CDC42SE2: variants seen among roughly 807,000 people sequenced by gnomAD.
CDC42SE2 encodes the protein CDC42 small effector 2, also known as CDC42 small effector protein 2.
Under a neutral mutation model 11.5 loss-of-function variants are expected in CDC42SE2, and 3 were observed. The observed-to-expected ratio is 0.26, with a 90% CI of 0.12 to 0.67. The LOEUF is 0.67. Ranked by LOEUF, CDC42SE2 falls within the 30% of genes least tolerant of loss-of-function variation. CDC42SE2 has a pLI of 0.80. For synonymous variants in CDC42SE2, 33 were observed against 34.8 expected, an observed-to-expected ratio of 0.95 and a Z score of 0.18; for missense variants, 82 against 106.8, an observed-to-expected ratio of 0.77 and a Z score of 1.02.
the CDC42SE2 span, among the ~76,000 whole-genome samples, chr5:131,236,703 C>T: frequency 2.4e-3 from 364 of 152,266 alleles, 5 homozygotes; most frequent in South Asian, 0.02. Context: ...AGATTATAGG[C>T]GTGAACCATC....
chr5:131,222,928 C>A, the CDC42SE2 span, among the ~76,000 whole-genome samples: 1 of 152,198 alleles, frequency 6.6e-6, no homozygotes, highest in Non-Finnish European at 1.5e-5. Context: ...CAGCTTTGTC[C>A]TAGATTCAAG....
At chr5:131,239,363 G>C in the CDC42SE2 span, among the ~76,000 whole-genome samples, 4 of 151,238 alleles carry the variant, frequency 2.6e-5, no homozygotes, top group Non-Finnish European at 5.9e-5. Context: ...CTTGAGCCCA[G>C]GATGTCAAGG....
chr5:131,280,171 TA>T (rs760903694), intron 1 of CDC42SE2, among the ~76,000 whole-genome samples: 1 of 152,212 alleles, frequency 6.6e-6, no homozygotes, highest in Non-Finnish European at 1.5e-5. Context: ...GCTACTGAAT[TA>T]AAATATGGGG....
intron 2 of CDC42SE2, among the ~76,000 whole-genome samples, chr5:131,342,798 C>T (rs533748887): frequency 7.2e-5 from 11 of 152,184 alleles, no homozygotes; most frequent in Admixed American, 2.0e-4. Flanking sequence ...CTGCAACCTC[C>T]GCCTACTGGG....
intron 2 of CDC42SE2, among the ~76,000 whole-genome samples, chr5:131,343,761 TAAA>T (rs1311543621): frequency 4.2e-5 from 6 of 142,658 alleles, no homozygotes; most frequent in Admixed American, 6.9e-5. Context: ...GAGAGAGAAA[TAAA>T]GAAGAAGAGT....
chr5:131,226,390 A>G, the CDC42SE2 span, among the ~76,000 whole-genome samples: 1 of 152,208 alleles, frequency 6.6e-6, no homozygotes, highest in East Asian at 1.9e-4. Flanking sequence ...CTACACTTGA[A>G]CCAATTCACA....
chr5:131,291,414 T>C (rs927809055), intron 1 of CDC42SE2, among the ~76,000 whole-genome samples: 1 of 152,188 alleles, frequency 6.6e-6, no homozygotes, highest in African/African-American at 2.4e-5. Flanking sequence ...ACCAGTTTAT[T>C]TTACTATCCA....
intron 4 of CDC42SE2, among the ~76,000 whole-genome samples, chr5:131,390,387 C>T (rs1750613868): frequency 6.6e-6 from 1 of 152,090 alleles, no homozygotes; most frequent in Admixed American, 6.6e-5. Flanking sequence ...GGTTGAGAAA[C>T]AAAGTGGAGT....
At chr5:131,268,010 T>A (rs1756906552) in intron 1 of CDC42SE2, among the ~76,000 whole-genome samples, 1 of 151,574 alleles carries the variant, frequency 6.6e-6, no homozygotes, top group African/African-American at 2.4e-5. Flanking sequence ...TTTTCCTGTG[T>A]CGTCTTGAGA....
At chr5:131,311,883 G>A (rs368452047) in intron 1 of CDC42SE2, among the ~76,000 whole-genome samples, 1 of 151,960 alleles carries the variant, frequency 6.6e-6, no homozygotes, top group African/African-American at 2.4e-5. Flanking sequence ...TTTGCCTTTG[G>A]TTTGAATGTC....
At chr5:131,348,578 A>G (rs1561594340) in intron 2 of CDC42SE2, among the ~76,000 whole-genome samples, 1 of 152,222 alleles carries the variant, frequency 6.6e-6, no homozygotes, top group Non-Finnish European at 1.5e-5. Context: ...AAGGTAATGT[A>G]TAGATTCAAT....
intron 2 of CDC42SE2, among the ~76,000 whole-genome samples, chr5:131,353,392 G>T (rs1411967973): frequency 1.3e-5 from 2 of 150,904 alleles, no homozygotes; most frequent in African/African-American, 4.9e-5. Flanking sequence ...AGCAAGTCTT[G>T]TGCCTCAGCC....
intron 1 of CDC42SE2, among the ~76,000 whole-genome samples, chr5:131,310,022 CT>C (rs1480755906): frequency 5.9e-5 from 9 of 152,162 alleles, no homozygotes; most frequent in Admixed American, 3.9e-4. Context: ...TTGTCTAGTT[CT>C]TTTAATTGTG....
intron 1 of CDC42SE2, among the ~76,000 whole-genome samples, chr5:131,273,762 C>T (rs1025522748): frequency 1.4e-5 from 2 of 147,958 alleles, no homozygotes; most frequent in Admixed American, 1.3e-4. Context: ...ACAGAGACTC[C>T]GTCTCAAAAA....
intron 2 of CDC42SE2, among the ~76,000 whole-genome samples, chr5:131,323,829 TTG>T (rs1290598155): frequency 1.3e-5 from 2 of 152,162 alleles, no homozygotes; most frequent in African/African-American, 4.8e-5. Flanking sequence ...GTCTTGACAG[TTG>T]TGTGTTAACT....
chr5:131,238,227 G>A, the CDC42SE2 span, among the ~76,000 whole-genome samples: 1 of 152,056 alleles, frequency 6.6e-6, no homozygotes, highest in African/African-American at 2.4e-5. Context: ...GCGGGGCACC[G>A]TGGCTCATGC....
At chr5:131,243,246 G>T (rs991624285), upstream of CDC42SE2, among the ~76,000 whole-genome samples, 1 of 152,180 alleles carries the variant, frequency 6.6e-6, no homozygotes, top group African/African-American at 2.4e-5. Flanking sequence ...ACAGGACCCT[G>T]CACTAGGCTT....
rs545848415 is a variant in CDC42SE2, at chr5:131,312,591, T to G, written c.-454-3385T>G. ...AGTCTGCTGTGCTAGCAATCAGCGATACTCCGTGGGCGTAGGACCCTCCGA... is the reference window on the plus strand; with the variant it reads ...AGTCTGCTGTGCTAGCAATCAGCGAGACTCCGTGGGCGTAGGACCCTCCGA... On this transcript the variant is annotated intron_variant, in intron 1 of 4. Transcript: ENST00000505065. Among the ~76,000 whole-genome samples, 504 of 152,282 alleles carry G rather than the reference T, an allele frequency of 3.3e-3. 5 individuals carry two copies. The highest frequency in any genetic ancestry group is 0.012 in the African/African-American group (492 of 41,568).
intron 1 of CDC42SE2, among the ~76,000 whole-genome samples, chr5:131,273,589 T>A (rs1318280079): frequency 2.0e-5 from 3 of 149,414 alleles, no homozygotes; most frequent in Non-Finnish European, 1.5e-5. Flanking sequence ...GCTAACATGG[T>A]GAAACCCCGT....
Sources: allele counts gnomAD v4.1 joint callset (sites outside exome capture counted in the v4.1 genomes callset), GRCh38; gene constraint gnomAD v4.1.1; transcripts MANE v1.5; gene names NCBI Gene and HGNC (gene_info 2026-07-23, HGNC 2026-07-21).